RB1: variants seen among roughly 807,000 people sequenced by gnomAD.
RB1 encodes the protein RB transcriptional corepressor 1, also known as retinoblastoma-associated protein.
Under a neutral mutation model 135.4 loss-of-function variants are expected in RB1, and 18 were observed. That is an observed-to-expected ratio of 0.13 (90% CI 0.09 to 0.20). RB1 has a LOEUF of 0.20. Ranked by LOEUF, RB1 falls within the 10% of genes least tolerant of loss-of-function variation. The pLI is 1.00. For synonymous variants in RB1, 365 were observed against 373.2 expected (o/e 0.98, Z 0.25); for missense variants, 868 against 1,110.0 (o/e 0.78, Z 3.10).
chr13:48,321,485 T>C (rs1266258044), intron 2 of RB1, among the ~76,000 whole-genome samples: 1 of 151,868 alleles, frequency 6.6e-6, no homozygotes, highest in Non-Finnish European at 1.5e-5. Flanking sequence ...ATTATGGTTT[T>C]AATTGGTATT....
At chr13:48,326,042 C>G (rs956485820) in intron 2 of RB1, among the ~76,000 whole-genome samples, 1 of 152,110 alleles carries the variant, frequency 6.6e-6, no homozygotes, top group Non-Finnish European at 1.5e-5. Flanking sequence ...ATCCATTGCA[C>G]TCTATTCCTT....
chr13:48,437,522 G>A (rs1228736412), intron 17 of RB1, among the ~76,000 whole-genome samples: 1 of 152,142 alleles, frequency 6.6e-6, no homozygotes, highest in African/African-American at 2.4e-5. Context: ...TTCTTAAATT[G>A]TCAACCAAGG....
At chr13:48,473,912 G>C (rs4151612) in intron 24 of RB1, among the ~76,000 whole-genome samples, 9 of 152,164 alleles carry the variant, frequency 5.9e-5, no homozygotes, top group Admixed American at 5.9e-4. Flanking sequence ...TGAATACGAA[G>C]TTGGGGGGTT....
chr13:48,335,319 T>C (rs545175293), intron 2 of RB1, among the ~76,000 whole-genome samples: 3 of 152,290 alleles, frequency 2.0e-5, no homozygotes, highest in Admixed American at 1.3e-4. Context: ...CTATTTTTGC[T>C]ATTATAAATA....
intron 17 of RB1, chr13:48,404,277 A>AATAGGAAAG (rs1255756204): frequency 6.6e-6 from 1 of 152,220 alleles, no homozygotes; most frequent in African/African-American, 2.4e-5. Flanking sequence ...AAGAAAAAGA[A>AATAGGAAAG]ATAGGAAAGG....
Position 48,304,068 on chromosome 13 carries a change from C to T in RB1, c.137+19C>T, listed in dbSNP as rs999325303. On this transcript the variant is annotated intron_variant, in intron 1 of 26. Coordinates refer to ENST00000267163, the MANE Select transcript of RB1 (RefSeq NM_000321.3). The stretch of plus-strand genomic sequence containing the variant: ...TCGTCAGGTGAGCGAGCAGAGCCGC[C>T]GTCGCCTCACGCGGGAAGGGCGCCC... 1.7e-5 allele frequency: 24 copies of T among 1,405,260 alleles called. No homozygotes were observed. Among genetic ancestry groups the T allele is most frequent in the Non-Finnish European group, 2.2e-5 (24 of 1,088,542 alleles). The allele number at this position is 1,405,260 out of a possible 1,614,324, so 87.0% of individuals were successfully genotyped here. A position where few individuals can be genotyped will look rare whatever the true frequency, so the allele number is the denominator to read the frequency against.
chr13:48,441,159 A>T (rs184983958), intron 17 of RB1, among the ~76,000 whole-genome samples: 2 of 152,328 alleles, frequency 1.3e-5, no homozygotes, highest in East Asian at 3.9e-4. Flanking sequence ...TTTCCAGCAG[A>T]TCTGATATCT....
chr13:48,479,426 A>G (rs1949523720), intron 26 of RB1, among the ~76,000 whole-genome samples: 1 of 152,210 alleles, frequency 6.6e-6, no homozygotes, highest in African/African-American at 2.4e-5. Flanking sequence ...CATCTCTAGA[A>G]TAGTGGCCTA....
chr13:48,364,992 A>G, intron 9 of RB1, 21 bp downstream of exon 9: 1 of 1,556,346 alleles, frequency 6.4e-7, no homozygotes, highest in Non-Finnish European at 8.7e-7. Context: ...AGGAAATTTA[A>G]TAAAATATTA....
intron 2 of RB1, chr13:48,317,772 A>G: frequency 2.7e-6 from 1 of 377,120 alleles, no homozygotes; most frequent in Non-Finnish European, 4.9e-6. Flanking sequence ...CGCTCTCTGC[A>G]CCTCATGGCC....
At chr13:48,346,475 A>G (rs997268840) in intron 4 of RB1, among the ~76,000 whole-genome samples, 6 of 150,998 alleles carry the variant, frequency 4.0e-5, no homozygotes, top group African/African-American at 1.5e-4. Flanking sequence ...AAACTTGTTT[A>G]CAACCTTTTT....
chr13:48,465,390 A>G (rs2138346389), intron 23 of RB1, 22 bp downstream of exon 23: 1 of 1,561,272 alleles, frequency 6.4e-7, no homozygotes, highest in Non-Finnish European at 8.8e-7. Context: ...CTCTTTAGGG[A>G]AGTAGTAAAG....
At chr13:48,419,512 C>G (rs1301949255) in intron 17 of RB1, among the ~76,000 whole-genome samples, 1 of 152,016 alleles carries the variant, frequency 6.6e-6, no homozygotes, top group African/African-American at 2.4e-5. Context: ...CAAAAGCTAG[C>G]AGAAGATAAG....
At chr13:48,311,194 T>C (rs1952126904) in intron 2 of RB1, among the ~76,000 whole-genome samples, 1 of 152,258 alleles carries the variant, frequency 6.6e-6, no homozygotes, top group South Asian at 2.1e-4. Flanking sequence ...GTGAACCTCA[T>C]AGGCTTTTTG....
Position 48,364,874 on chromosome 13 carries a change from T to G in RB1, c.862-20T>G. 6.5e-7 allele frequency: 1 copy of G among 1,548,300 alleles called. No homozygotes were observed. Among genetic ancestry groups the G allele is most frequent in the South Asian group, 1.2e-5 (1 of 83,890 alleles). The stretch of plus-strand genomic sequence containing the variant: ...TTGTTTTAAATTTTAATGATCATGT[T>G]GTAACTTCATCTTTTTCAGGTGAAA... On this transcript the variant is annotated intron_variant, in intron 8 of 26. Coordinates refer to ENST00000267163, the MANE Select transcript of RB1 (RefSeq NM_000321.3).
At chr13:48,378,355 A>T (rs1483092481) in intron 13 of RB1, among the ~76,000 whole-genome samples, 2 of 152,076 alleles carry the variant, frequency 1.3e-5, no homozygotes, top group East Asian at 1.9e-4. Flanking sequence ...CTATTTAAAA[A>T]TTTTTTCAAT....
chr13:48,474,268 G>T (rs1425603575), intron 24 of RB1, among the ~76,000 whole-genome samples: 1 of 152,060 alleles, frequency 6.6e-6, no homozygotes, highest in Non-Finnish European at 1.5e-5. Flanking sequence ...GGGGCTGAAA[G>T]TTCCAAGCTT....
At chr13:48,320,408 C>G in intron 2 of RB1, 1 of 1,139,982 alleles carries the variant, frequency 8.8e-7, no homozygotes, top group Non-Finnish European at 1.3e-6. Context: ...CTAAAGCTCC[C>G]TGGTGGGCCA....
At chr13:48,417,582 T>C (rs1316995072) in intron 17 of RB1, among the ~76,000 whole-genome samples, 1 of 151,116 alleles carries the variant, frequency 6.6e-6, no homozygotes, top group Non-Finnish European at 1.5e-5. Context: ...AATAATAAAC[T>C]CCTCCAAGCC....
Sources: allele counts gnomAD v4.1 joint callset (sites outside exome capture counted in the v4.1 genomes callset), GRCh38; gene constraint gnomAD v4.1.1; transcripts MANE v1.5; gene names NCBI Gene and HGNC (gene_info 2026-07-23, HGNC 2026-07-21).